SPAG16: variants seen among roughly 807,000 people sequenced by gnomAD.
SPAG16 encodes sperm associated antigen 16, also known as sperm-associated antigen 16 protein.
Under a neutral mutation model 80.4 loss-of-function variants are expected in SPAG16, and 86 were observed. That is an observed-to-expected ratio of 1.07 (90% confidence interval 0.90 to 1.28). SPAG16 has a LOEUF of 1.28. Ranked by LOEUF, SPAG16 falls within the 50% of genes most tolerant of loss-of-function variation. The probability of loss-of-function intolerance (pLI) is 0.00; values close to 1 mark genes in which losing one functional copy is unlikely to be tolerated. For missense variants in SPAG16, 870 were observed against 765.3 expected (o/e 1.14, Z -1.61); for synonymous variants, 294 against 265.9 (o/e 1.11, Z -1.03).
chr2:214,119,885 G>A (rs1247382789), intron 14 of SPAG16, among the ~76,000 whole-genome samples: 2 of 151,880 alleles, frequency 1.3e-5, no homozygotes, highest in African/African-American at 4.8e-5. Context: ...CACTATTGTT[G>A]CTGATGAGAA....
intron 10 of SPAG16, among the ~76,000 whole-genome samples, chr2:213,637,060 T>C (rs536022149): frequency 6.6e-6 from 1 of 152,216 alleles, no homozygotes; most frequent in African/African-American, 2.4e-5. Context: ...TTTCAACATT[T>C]CCTTGTTCAA....
At chr2:213,604,745 A>C (rs1574464763) in intron 10 of SPAG16, among the ~76,000 whole-genome samples, 1 of 151,698 alleles carries the variant, frequency 6.6e-6, no homozygotes, top group African/African-American at 2.4e-5. Flanking sequence ...TAATTTTCTA[A>C]CTGCATGGCT....
chr2:214,186,486 A>G (rs986607924), intron 15 of SPAG16, among the ~76,000 whole-genome samples: 3 of 152,088 alleles, frequency 2.0e-5, no homozygotes, highest in African/African-American at 4.8e-5. Flanking sequence ...TGTAGGAAAA[A>G]TTGTACGTCC....
intron 10 of SPAG16, among the ~76,000 whole-genome samples, chr2:213,790,271 C>T (rs2070610750): frequency 6.6e-6 from 1 of 151,792 alleles, no homozygotes; most frequent in East Asian, 1.9e-4. Context: ...ATCTTTTCAG[C>T]TCTATAATTT....
chr2:213,312,538 T>A (rs759902689), intron 4 of SPAG16, among the ~76,000 whole-genome samples: 38 of 151,676 alleles, frequency 2.5e-4, no homozygotes, highest in Non-Finnish European at 4.0e-4. Context: ...AAACCATTTT[T>A]CCCTTTCCAG....
chr2:213,986,262 A>G (rs1427773161), intron 12 of SPAG16, among the ~76,000 whole-genome samples: 3 of 152,086 alleles, frequency 2.0e-5, no homozygotes, highest in East Asian at 1.9e-4. Flanking sequence ...TATGAACTCT[A>G]GAGGAGAAAT....
At chr2:213,718,615 A>G (rs913426542) in intron 10 of SPAG16, among the ~76,000 whole-genome samples, 10 of 152,250 alleles carry the variant, frequency 6.6e-5, no homozygotes, top group Non-Finnish European at 7.4e-5. Context: ...GCCCGGGGCA[A>G]TGGGGGACTT....
chr2:213,816,566 A>G (rs899459762), intron 10 of SPAG16, among the ~76,000 whole-genome samples: 3 of 152,066 alleles, frequency 2.0e-5, no homozygotes, highest in African/African-American at 7.2e-5. Flanking sequence ...AAAAGATGAT[A>G]AATTATTACA....
intron 10 of SPAG16, among the ~76,000 whole-genome samples, chr2:213,583,894 T>G (rs13012341): frequency 0.27 from 41,752 of 152,106 alleles, 6,489 homozygotes; most frequent in Middle Eastern, 0.44. Flanking sequence ...AATAATTTTA[T>G]GTTTCAAAAG....
chr2:213,849,493 T>C (rs765535737), intron 10 of SPAG16, among the ~76,000 whole-genome samples: 3 of 152,228 alleles, frequency 2.0e-5, no homozygotes, highest in Non-Finnish European at 4.4e-5. Context: ...AATATTGGCT[T>C]TCTAATTTAT....
intron 15 of SPAG16, among the ~76,000 whole-genome samples, chr2:214,399,408 A>G (rs1701584254): frequency 6.6e-6 from 1 of 152,116 alleles, no homozygotes; most frequent in Non-Finnish European, 1.5e-5. Context: ...TGAAGTAGGA[A>G]AGGATGAAGT....
chr2:214,230,377 A>G (rs972000139), intron 15 of SPAG16, among the ~76,000 whole-genome samples: 2 of 152,054 alleles, frequency 1.3e-5, no homozygotes, highest in East Asian at 1.9e-4. Flanking sequence ...CTCACTATCA[A>G]TCAGGTAATG....
At chr2:213,866,119 C>G (rs1430921090) in intron 11 of SPAG16, among the ~76,000 whole-genome samples, 1 of 150,768 alleles carries the variant, frequency 6.6e-6, no homozygotes, top group Non-Finnish European at 1.5e-5. Flanking sequence ...TTTTTAGAAA[C>G]TTACCAAAAA....
rs146929711 is a variant in SPAG16 at position 214,141,756 on chromosome 2, C to T, written c.1594-7384C>T. On this transcript the variant is annotated intron_variant, in intron 14 of 15. Transcript: ENST00000331683. ...CTACTTAAAAAATTAATTGAAATGT[C>T]TTTAAAATATTTTAAATAGGTAATC... 1.2e-3 allele frequency among the ~76,000 whole-genome samples: 178 copies of T among 152,210 alleles called. 3 individuals are homozygous for T. The East Asian group carries it at 0.031, about 26-fold the overall frequency.
intron 12 of SPAG16, among the ~76,000 whole-genome samples, chr2:213,961,884 TATC>T (rs1345650522): frequency 2.0e-5 from 3 of 152,160 alleles, no homozygotes. Flanking sequence ...ATAAGTGTAA[TATC>T]AACCTCATAG....
rs567690258 is a variant in SPAG16, at chr2:214,161,774, A to G, written c.1720+12508A>G. On this transcript the variant is annotated intron_variant, in intron 15 of 15. Coordinates refer to ENST00000331683, the MANE Select transcript of SPAG16 (RefSeq NM_024532.5). ...GGGTTGATAGGTACAGCAAACCACCATGGCACACTTTTACCTGTGTAACAA... is the reference window on the plus strand; with the variant it reads ...GGGTTGATAGGTACAGCAAACCACCGTGGCACACTTTTACCTGTGTAACAA... Among the ~76,000 whole-genome samples, 9 of 152,232 alleles carry G rather than the reference A, an allele frequency of 5.9e-5. No individual in the cohort carries two copies. In the South Asian group the frequency reaches 6.2e-4, roughly 11 times the overall value.
chr2:214,289,125 T>G (rs902700842), intron 15 of SPAG16, among the ~76,000 whole-genome samples: 5 of 152,176 alleles, frequency 3.3e-5, no homozygotes, highest in Admixed American at 1.3e-4. Flanking sequence ...TTGAGTTTCT[T>G]GTATATTTCA....
intron 10 of SPAG16, among the ~76,000 whole-genome samples, chr2:213,599,371 C>T (rs565801171): frequency 4.6e-5 from 7 of 152,256 alleles, no homozygotes; most frequent in Admixed American, 1.3e-4. Flanking sequence ...CATTAAACTG[C>T]GCAGGTCCAC....
intron 9 of SPAG16, among the ~76,000 whole-genome samples, chr2:213,430,450 CATT>C (rs2125478900): frequency 6.6e-6 from 1 of 152,202 alleles, no homozygotes; most frequent in South Asian, 2.1e-4. Context: ...TTTCTGAAAA[CATT>C]ATGAGATTTT....
Sources: gnomAD v4.1 joint callset for allele counts (sites outside exome capture counted in the v4.1 genomes callset) on GRCh38, gnomAD v4.1.1 for gene constraint, MANE v1.5 for transcripts, NCBI Gene and HGNC (gene_info 2026-07-23, HGNC 2026-07-21) for gene names.